The following NEK2 variants were observed in gnomAD, a reference collection of about 807,000 sequenced individuals.
The protein encoded by NEK2 is serine/threonine-protein kinase Nek2.
NEK2 carries 28 observed loss-of-function variants against 54.1 expected under a neutral mutation model. The observed-to-expected ratio is 0.52, with a 90% confidence interval of 0.38 to 0.71. The LOEUF is 0.71. NEK2 is among the 30% of genes least tolerant of loss of function. The probability of loss-of-function intolerance (pLI) is 0.00; values close to 1 mark genes in which losing one functional copy is unlikely to be tolerated. For missense variants in NEK2, 407 were observed against 531.5 expected, an observed-to-expected ratio of 0.77 and a Z score of 2.30; for synonymous variants, 176 against 193.1, an observed-to-expected ratio of 0.91 and a Z score of 0.73.
intron 7 of NEK2, among the ~76,000 whole-genome samples, chr1:211,664,629 T>C (rs771623636): frequency 2.0e-5 from 3 of 152,000 alleles, no homozygotes; most frequent in Non-Finnish European, 4.4e-5. Flanking sequence ...GCAGAAGAAA[T>C]AGGAAAGGCT....
At position 211,674,457 on chromosome 1, in the gene NEK2, C is replaced by T. The variant is rs774941061; in HGVS notation, c.153G>A (p.Met51Ile). ...YGSMTEAEKQ[M>I]LVSEVNLLRE... ...GAAGCAAATTCACTTCAGAAACAAG[C>T]ATCTGTTTCTCAGCTTCTGTCATGG... The change falls in exon 2 of 8, where the codon ATG (methionine) becomes ATA (isoleucine). Residue 51 changes from methionine (M) to isoleucine (I), a missense_variant. Physicochemically the swap from Met to Ile is conservative, Grantham distance 10 (BLOSUM62 1). Coordinates refer to ENST00000366999, the MANE Select transcript of NEK2 (RefSeq NM_002497.4). The T allele has an allele frequency of 6.8e-6, 11 of 1,613,924 alleles. No individual in the cohort carries two copies. Among genetic ancestry groups the T allele is most frequent in the Admixed American group, 1.7e-5 (1 of 59,998 alleles).
intron 3 of NEK2, among the ~76,000 whole-genome samples, chr1:211,671,583 C>T (rs1253170161): frequency 1.3e-5 from 2 of 152,134 alleles, no homozygotes; most frequent in Non-Finnish European, 2.9e-5. Flanking sequence ...TTAAGAAACA[C>T]CATTTTAAAA....
chr1:211,664,682 G>A lies in NEK2; in HGVS notation c.1112-1030C>T, dbSNP rs147673786. On this transcript the variant is annotated intron_variant, in intron 7 of 7. Transcript: ENST00000366999. The stretch of plus-strand genomic sequence containing the variant: ...CCTTCCAAGGGTCCTGTGACTTCCC[G>A]CTTCATACGTCGCTTCTGCTTCAAA... Among the ~76,000 whole-genome samples, 400 of 152,314 alleles carry A rather than the reference G, an allele frequency of 2.6e-3. 4 individuals carry two copies. Among genetic ancestry groups the A allele is most frequent in the African/African-American group, 9.1e-3 (380 of 41,562 alleles).
At chr1:211,669,491 G>T in intron 5 of NEK2, 159 bp from the exon 6 acceptor site, 1 of 642,632 alleles carries the variant, frequency 1.6e-6, no homozygotes, top group Non-Finnish European at 2.7e-6. Flanking sequence ...GTTCACTGGT[G>T]GTTTTAACTC....
chr1:211,673,632 T>C lies in NEK2; in HGVS notation c.406A>G (p.Thr136Ala). Reference sequence around the variant, plus strand: ...GGTTTCAGATCCCGATGCAATACGGTATGACCACCATCACTTCGTCTGTGG... The same window carrying C: ...GGTTTCAGATCCCGATGCAATACGGCATGACCACCATCACTTCGTCTGTGG... ...ECHRRSDGGHTVLHRDLKPAN... is the reference protein window; with the variant it reads ...ECHRRSDGGHAVLHRDLKPAN... Residue 136 changes from threonine to alanine, a missense_variant, in exon 3 of 8, where the codon ACC becomes GCC. Coordinates refer to ENST00000366999, the MANE Select transcript of NEK2 (RefSeq NM_002497.4). 1 of 1,614,158 alleles carries C rather than the reference T, an allele frequency of 6.2e-7. No individual in the cohort carries two copies. Among genetic ancestry groups the C allele is most frequent in the Non-Finnish European group, 8.5e-7 (1 of 1,180,030 alleles).
intron 5 of NEK2, 125 bp downstream of exon 5, chr1:211,670,156 G>A (rs754704703): frequency 1.3e-5 from 14 of 1,055,954 alleles, no homozygotes; most frequent in Non-Finnish European, 1.7e-5. Context: ...TGTTAACACA[G>A]TAAATTTAGC....
At chr1:211,670,919 C>A (rs1029150217) in intron 4 of NEK2, among the ~76,000 whole-genome samples, 1 of 152,148 alleles carries the variant, frequency 6.6e-6, no homozygotes, top group Non-Finnish European at 1.5e-5. Flanking sequence ...ACCTTACCTG[C>A]CTGACCTATG....
chr1:211,666,481 T>C (rs1352192104), intron 7 of NEK2: 2 of 978,612 alleles, frequency 2.0e-6, no homozygotes, highest in Non-Finnish European at 2.4e-6. Context: ...AAACATACAA[T>C]AGTTTTGTAA....
Position 211,674,276 on chromosome 1 carries a change from T to C in NEK2, c.314+20A>G. On this transcript the variant is annotated intron_variant, in intron 2 of 7. Coordinates refer to ENST00000366999, the MANE Select transcript of NEK2 (RefSeq NM_002497.4). ...AAACTAGACCAATTTCAGCTTACAT[T>C]TTTAAAAGATTATGCTTACCTTTCC... is the stretch of plus-strand genomic sequence containing the variant. 2 of 1,584,160 alleles carry C rather than the reference T, an allele frequency of 1.3e-6. No homozygotes were observed. Among genetic ancestry groups the C allele is most frequent in the Non-Finnish European group, 1.7e-6 (2 of 1,159,780 alleles).
At chr1:211,672,144 A>G (rs1428232476) in intron 3 of NEK2, among the ~76,000 whole-genome samples, 1 of 152,248 alleles carries the variant, frequency 6.6e-6, no homozygotes, top group Non-Finnish European at 1.5e-5. Flanking sequence ...GGAAAATCCT[A>G]GAAAGGTGAA....
chr1:211,672,077 T>A (rs1655409354), intron 3 of NEK2, among the ~76,000 whole-genome samples: 1 of 152,250 alleles, frequency 6.6e-6, no homozygotes, highest in African/African-American at 2.4e-5. Context: ...ACCAAAATCA[T>A]TAATTTACAA....
chr1:211,674,176 C>T, intron 2 of NEK2, 120 bp downstream of exon 2: 2 of 782,896 alleles, frequency 2.6e-6, no homozygotes, highest in East Asian at 2.7e-5. Context: ...TTCTAAAGTA[C>T]TGTGGACCTA....
At chr1:211,672,831 A>G (rs1655442282) in intron 3 of NEK2, among the ~76,000 whole-genome samples, 1 of 152,168 alleles carries the variant, frequency 6.6e-6, no homozygotes, top group Admixed American at 6.5e-5. Flanking sequence ...AATGCATCAT[A>G]GTCATTCCAT....
intron 6 of NEK2, among the ~76,000 whole-genome samples, chr1:211,667,688 T>G (rs1403061996): frequency 6.6e-6 from 1 of 152,210 alleles, no homozygotes; most frequent in Non-Finnish European, 1.5e-5. Flanking sequence ...GGATTAGTAT[T>G]AATAACAAAT....
At chr1:211,672,014 T>C (rs1270999145) in intron 3 of NEK2, among the ~76,000 whole-genome samples, 1 of 152,224 alleles carries the variant, frequency 6.6e-6, no homozygotes, top group African/African-American at 2.4e-5. Flanking sequence ...AACATTCTAT[T>C]TGGAATTTGA....
In NEK2 at chr1:211,671,247, T is replaced by C; in HGVS notation, c.593A>G (p.Asp198Gly). 1 of 1,613,682 alleles carries C rather than the reference T, an allele frequency of 6.2e-7. No individual in the cohort carries two copies. The highest frequency in any genetic ancestry group is 8.5e-7 in the Non-Finnish European group (1 of 1,179,646). ...CAGCAAGCAGCCCAATGACCAGATA[T>C]CTGATTTCTCATTGTAGGACATGCG... is the stretch of plus-strand genomic sequence containing the variant. ...MNRMSYNEKS[D>G]IWSLGCLLYE... Residue 198 changes from aspartate to glycine, a missense_variant, in exon 4 of 8, where the codon GAT becomes GGT. Asp to Gly is a moderately conservative substitution (Grantham distance 94, BLOSUM62 -1). Coordinates refer to ENST00000366999, the MANE Select transcript of NEK2 (RefSeq NM_002497.4).
intron 6 of NEK2, among the ~76,000 whole-genome samples, chr1:211,668,171 A>G (rs1471207957): frequency 6.6e-6 from 1 of 152,200 alleles, no homozygotes; most frequent in African/African-American, 2.4e-5. Context: ...ATCTCACAGG[A>G]CTATACAATA....
At chr1:211,672,071 A>C (rs968620484) in intron 3 of NEK2, among the ~76,000 whole-genome samples, 1 of 152,256 alleles carries the variant, frequency 6.6e-6, no homozygotes, top group East Asian at 1.9e-4. Flanking sequence ...GTCAAAACCA[A>C]AATCATTAAT....
chr1:211,674,190 A>G, intron 2 of NEK2, 106 bp downstream of exon 2: 1 of 930,830 alleles, frequency 1.1e-6, no homozygotes, highest in Admixed American at 2.7e-5. Context: ...GGACCTACCA[A>G]ACAAATACAA....
Sources: allele counts gnomAD v4.1 joint callset (sites outside exome capture counted in the v4.1 genomes callset), GRCh38; gene constraint gnomAD v4.1.1; transcripts MANE v1.5; gene names NCBI Gene and HGNC (gene_info 2026-07-23, HGNC 2026-07-21).